FRMD4B: variants seen among roughly 807,000 people sequenced by gnomAD.
The protein encoded by FRMD4B is FERM domain containing 4B, also known as FERM domain-containing protein 4B.
FRMD4B carries 74 observed loss-of-function variants against 141.5 expected under a neutral mutation model. The observed-to-expected ratio is 0.52, with a 90% CI of 0.43 to 0.63. The LOEUF (loss-of-function observed/expected upper bound fraction) is 0.63, where lower values mean the gene tolerates loss of function less well. FRMD4B is among the 30% of genes least tolerant of loss of function. The pLI, the probability that FRMD4B is intolerant of heterozygous loss-of-function variation, is 0.00. For missense variants in FRMD4B, 1,366 were observed against 1,253.4 expected (o/e 1.09, Z -1.36); for synonymous variants, 506 against 467.9 (o/e 1.08, Z -1.05).
intron 3 of FRMD4B, among the ~76,000 whole-genome samples, chr3:69,304,483 C>CAAAAA (rs1313360753): frequency 1.5e-5 from 1 of 67,582 alleles, no homozygotes; most frequent in Non-Finnish European, 3.0e-5. Context: ...GATTCTATCT[C>CAAAAA]AAAAAAAAAA....
At chr3:69,440,651 T>A (rs1255602205) in intron 1 of FRMD4B, among the ~76,000 whole-genome samples, 1 of 151,952 alleles carries the variant, frequency 6.6e-6, no homozygotes, top group African/African-American at 2.4e-5. Context: ...CTAAAAAAAA[T>A]ACAAAAATTA....
chr3:69,453,420 A>G (rs1705530484), intron 1 of FRMD4B, among the ~76,000 whole-genome samples: 1 of 152,208 alleles, frequency 6.6e-6, no homozygotes, highest in Non-Finnish European at 1.5e-5. Context: ...GGCACCGTGC[A>G]TAGCGCCGGG....
At chr3:69,458,673 G>C (rs1464633780) in intron 1 of FRMD4B, among the ~76,000 whole-genome samples, 3 of 151,880 alleles carry the variant, frequency 2.0e-5, no homozygotes, top group Admixed American at 2.0e-4. Context: ...ATACCTTCAG[G>C]GTATTAATTA....
At chr3:69,437,630 A>G (rs1705280270) in intron 1 of FRMD4B, among the ~76,000 whole-genome samples, 1 of 136,798 alleles carries the variant, frequency 7.3e-6, no homozygotes, top group Non-Finnish European at 1.5e-5. Flanking sequence ...ATATAAATAT[A>G]TATACTATAT....
chr3:69,405,285 C>T (rs1325335005), intron 2 of FRMD4B, among the ~76,000 whole-genome samples: 3 of 152,212 alleles, frequency 2.0e-5, no homozygotes, highest in Non-Finnish European at 4.4e-5. Flanking sequence ...CCAAAGGCAC[C>T]TCCAAGTGTA....
At chr3:69,540,968 A>C (rs541953323) in intron 1 of FRMD4B, among the ~76,000 whole-genome samples, 1 of 152,248 alleles carries the variant, frequency 6.6e-6, no homozygotes, top group South Asian at 2.1e-4. Context: ...CAGCATGTGT[A>C]TGACATATGA....
intron 2 of FRMD4B, among the ~76,000 whole-genome samples, chr3:69,416,667 T>C (rs62251448): frequency 0.27 from 41,599 of 152,032 alleles, 6,149 homozygotes; most frequent in East Asian, 0.44. Flanking sequence ...GCCCTGCATG[T>C]ATTAGGTGTT....
In FRMD4B at chr3:69,385,956, G is replaced by T. The variant is rs781631803; in HGVS notation, c.34C>A (p.Leu12Met). ...ACGAAGCGGCTGCCGCTGAACAGCA[G>T]GTCCTCCACGCCACACATGAACACC... Reference protein sequence around the residue: ...ASVFMCGVEDLLFSGSRFVWN... With the variant: ...ASVFMCGVEDMLFSGSRFVWN... The change falls in exon 1 of 23, where the codon CTG (leucine) becomes ATG (methionine). Residue 12 changes from leucine (L) to methionine (M), a missense_variant. By Grantham distance (15) the Leu-to-Met change is conservative (BLOSUM62 2). Coordinates refer to ENST00000398540, the MANE Select transcript of FRMD4B (RefSeq NM_015123.3). The T allele has an allele frequency of 1.2e-6, 2 of 1,605,020 alleles. No individual in the cohort carries two copies. The highest frequency in any genetic ancestry group is 1.7e-6 in the Non-Finnish European group (2 of 1,176,132).
intron 1 of FRMD4B, among the ~76,000 whole-genome samples, chr3:69,342,126 T>G (rs1702760010): frequency 6.6e-6 from 1 of 152,196 alleles, no homozygotes; most frequent in East Asian, 1.9e-4. Context: ...AATGTGTTAA[T>G]GAGAATCTTT....
intron 1 of FRMD4B, among the ~76,000 whole-genome samples, chr3:69,477,025 G>A (rs933378142): frequency 2.6e-5 from 4 of 152,134 alleles, no homozygotes; most frequent in Non-Finnish European, 5.9e-5. Context: ...TGGTGTGTAA[G>A]AATGCTTGTG....
chr3:69,422,232 A>G (rs1320429889), intron 2 of FRMD4B, among the ~76,000 whole-genome samples: 2 of 152,138 alleles, frequency 1.3e-5, no homozygotes, highest in African/African-American at 4.8e-5. Context: ...TCTCCACTAA[A>G]AATACAAAAA....
intron 1 of FRMD4B, among the ~76,000 whole-genome samples, chr3:69,526,731 A>G (rs769739432): frequency 6.6e-6 from 1 of 152,144 alleles, no homozygotes; most frequent in Non-Finnish European, 1.5e-5. Flanking sequence ...CCGAGAACAT[A>G]ACAGGCACTC....
chr3:69,276,072 A>G (rs1384679698), intron 5 of FRMD4B, among the ~76,000 whole-genome samples: 2 of 152,186 alleles, frequency 1.3e-5, no homozygotes, highest in African/African-American at 2.4e-5. Flanking sequence ...ATTCTTGTCA[A>G]TGGCTGTACA....
chr3:69,308,874 C>G (rs1289221129), intron 3 of FRMD4B, among the ~76,000 whole-genome samples: 1 of 152,140 alleles, frequency 6.6e-6, no homozygotes, highest in Admixed American at 6.5e-5. Flanking sequence ...TACATGTCAC[C>G]TCCTAGATCC....
rs1476007858 is a variant in FRMD4B, at chr3:69,180,972, T to A, written c.2778A>T (p.Ser926=). 1.2e-6 allele frequency: 2 copies of A among 1,614,002 alleles called. No homozygotes were observed. Among genetic ancestry groups the A allele is most frequent in the Non-Finnish European group, 1.7e-6 (2 of 1,179,860 alleles). ...GCCCCGCAAACCCCAGGCATCTCTG[T>A]GATCCCCTGTCTGAGTCAAAGCTGG... is the stretch of plus-strand genomic sequence containing the variant. ...PQTSFDSDRG[S]QRCLGFAGLQ... Residue 926 remains serine (S), a synonymous_variant, in exon 21 of 23, where the codon TCA becomes TCT. Coordinates refer to ENST00000398540, the MANE Select transcript of FRMD4B (RefSeq NM_015123.3).
intron 2 of FRMD4B, among the ~76,000 whole-genome samples, chr3:69,411,449 T>G (rs1388152357): frequency 6.6e-6 from 1 of 152,158 alleles, no homozygotes; most frequent in Non-Finnish European, 1.5e-5. Flanking sequence ...AAACCTGGGA[T>G]AGAGAGGGAG....
At chr3:69,341,923 C>T (rs530966277) in intron 1 of FRMD4B, among the ~76,000 whole-genome samples, 1 of 152,286 alleles carries the variant, frequency 6.6e-6, no homozygotes, top group Non-Finnish European at 1.5e-5. Context: ...TACTGAGTTG[C>T]AGTTACTCTG....
intron 1 of FRMD4B, among the ~76,000 whole-genome samples, chr3:69,451,941 G>C (rs1705507998): frequency 6.6e-6 from 1 of 152,208 alleles, no homozygotes; most frequent in African/African-American, 2.4e-5. Context: ...CAGGGAAGGA[G>C]AGATTTCTTT....
At chr3:69,505,641 T>C (rs377345133) in intron 1 of FRMD4B, among the ~76,000 whole-genome samples, 91 of 152,328 alleles carry the variant, frequency 6.0e-4, no homozygotes, top group African/African-American at 2.0e-3. Context: ...CAAGGTTTCA[T>C]AGCACCTAAG....
Sources: allele counts gnomAD v4.1 joint callset (sites outside exome capture counted in the v4.1 genomes callset), GRCh38; gene constraint gnomAD v4.1.1; transcripts MANE v1.5; gene names NCBI Gene and HGNC (gene_info 2026-07-23, HGNC 2026-07-21).